The following MAGIX variants were observed in gnomAD, a reference collection of about 807,000 sequenced individuals.
MAGIX encodes the protein MAGI family member, X-linked, also known as PDZ domain-containing protein MAGIX.
In MAGIX, 13 loss-of-function variants were observed where a neutral mutation model predicts 10.0. That is an observed-to-expected ratio of 1.30 (90% CI 0.84 to 2.06). The LOEUF (loss-of-function observed/expected upper bound fraction) is 2.06. Ranked by LOEUF, MAGIX falls within the 30% of genes most tolerant of loss-of-function variation. The pLI is 0.00. For synonymous variants in MAGIX, 108 were observed against 106.8 expected, an observed-to-expected ratio of 1.01 and a Z score of -0.07; for missense variants, 235 against 245.2, an observed-to-expected ratio of 0.96 and a Z score of 0.28.
At position 49,166,282 on chromosome X, in the gene MAGIX, C is replaced by A. The variant is rs782473217; in HGVS notation, c.711C>A (p.Ile237=). ...GCGCTGAGGATCCCAACGACCAGAT[C>A]CCGGGTTCCCCGGGGCCCTGGCTAG... The change falls in exon 5 of 5, where the codon ATC becomes ATA. Residue 237 remains isoleucine (I), a synonymous_variant. Coordinates refer to ENST00000616266, the Ensembl canonical transcript of MAGIX. 6.8e-6 allele frequency: 8 copies of A among 1,184,808 alleles called. No homozygotes were observed. In the East Asian group the frequency reaches 2.5e-4, roughly 37 times the overall value.
At chrX:49,167,968 A>G (rs1279088172) in exon 5 of MAGIX, 11 of 111,829 alleles carry the variant, frequency 9.8e-5, no homozygotes, top group African/African-American at 2.9e-4. Context: ...AGGAGGGTCA[A>G]AGCACGATTT....
exon 5 of MAGIX, chrX:49,168,067 G>T (rs1205305355): frequency 8.9e-6 from 1 of 111,979 alleles, no homozygotes; most frequent in Admixed American, 9.5e-5. Flanking sequence ...GTTGCACTGT[G>T]CTAGGTACTG....
chrX:49,162,885 T>C, intron 1 of MAGIX: 1 of 903,236 alleles, frequency 1.1e-6, no homozygotes, highest in Non-Finnish European at 1.5e-6. Flanking sequence ...GGCGGACTAC[T>C]GGCCATGGAG....
At chrX:49,162,838 A>G (rs781934330) in intron 1 of MAGIX, 1 of 767,931 alleles carries the variant, frequency 1.3e-6, no homozygotes, top group Non-Finnish European at 1.8e-6. Context: ...CGCGCCCCAG[A>G]GCTCAAAATT....
chrX:49,163,613 G>C (rs2037356853), intron 1 of MAGIX, 170 bp from the exon 2 acceptor site: 1 of 397,614 alleles, frequency 2.5e-6, no homozygotes, highest in Non-Finnish European at 3.8e-6. Flanking sequence ...TACCCGCGAC[G>C]GTCGGGGATC....
chrX:49,165,567 G>A, intron 4 of MAGIX: 3 of 393,987 alleles, frequency 7.6e-6, no homozygotes, highest in Non-Finnish European at 4.3e-6. Flanking sequence ...AGGGGTGTCA[G>A]TCTCGAGGAT....
exon 5 of MAGIX, chrX:49,166,489 G>A: frequency 1.2e-6 from 1 of 803,412 alleles, no homozygotes. Context: ...CTCCCCAAGA[G>A]CTTCCACTTG....
intron 2 of MAGIX, 155 bp downstream of exon 2, chrX:49,164,084 G>A: frequency 9.2e-6 from 4 of 436,673 alleles, no homozygotes; most frequent in Non-Finnish European, 1.4e-5. Flanking sequence ...TCGAGTGGGA[G>A]GAGCCTTGGG....
chrX:49,164,034 G>C, intron 2 of MAGIX, 105 bp downstream of exon 2: 1 of 827,011 alleles, frequency 1.2e-6, no homozygotes, highest in African/African-American at 2.1e-5. Context: ...TCTTGGGTGG[G>C]GCCAAGGGGC....
exon 2 of MAGIX, chrX:49,163,899 G>A (rs2065347225): frequency 9.7e-7 from 1 of 1,026,165 alleles, no homozygotes; most frequent in South Asian, 3.1e-5. Flanking sequence ...ACGCAGGGCG[G>A]GCGCCACATT....
At chrX:49,163,747 G>T in intron 1 of MAGIX, 36 bp from the exon 2 acceptor site, 1 of 1,006,649 alleles carries the variant, frequency 9.9e-7, no homozygotes, top group East Asian at 4.3e-5. Flanking sequence ...GGCCGAGGCC[G>T]AGGGTCGGCG....
chrX:49,163,787 C>T, exon 2 of MAGIX: 1 of 1,046,550 alleles, frequency 9.6e-7, no homozygotes, highest in South Asian at 2.6e-5. Context: ...GCGCAGGCCG[C>T]GGCCCCTCCC....
exon 5 of MAGIX, chrX:49,168,481 A>C (rs1222564804): frequency 3.8e-5 from 4 of 104,470 alleles, no homozygotes; most frequent in Admixed American, 1.0e-4. Context: ...AAAAAAAAAA[A>C]AAAAAAAAAA....
chrX:49,163,726 G>A, intron 1 of MAGIX, 57 bp from the exon 2 acceptor site: 5 of 979,422 alleles, frequency 5.1e-6, no homozygotes, highest in African/African-American at 2.0e-5. Flanking sequence ...GCGTCCGGAA[G>A]CATAGGGGTT....
At chrX:49,166,682 T>C in exon 5 of MAGIX, 1 of 305,626 alleles carries the variant, frequency 3.3e-6, no homozygotes, top group Non-Finnish European at 5.8e-6. Flanking sequence ...CGGGCCACTC[T>C]GTAAAGGAGC....
chrX:49,163,926 G>A (rs2065347629), exon 2 of MAGIX: 1 of 1,015,770 alleles, frequency 9.8e-7, no homozygotes, highest in Middle Eastern at 3.2e-4. Context: ...GCGCCGGAAG[G>A]AGGGTGAGTG....
chrX:49,165,263 T>C, exon 4 of MAGIX: 1 of 1,181,899 alleles, frequency 8.5e-7, no homozygotes, highest in South Asian at 1.9e-5. Context: ...GTGGAGCGGA[T>C]CCGAGCTGGA....
rs1287999841 is a variant in MAGIX at position 49,166,492 on chromosome X, T to G, written c.*93T>G. On this transcript the variant is annotated 3_prime_UTR_variant, in exon 5 of 5. Coordinates refer to ENST00000616266, the Ensembl canonical transcript of MAGIX. ...GGCACTTGGCACCTCCCCAAGAGCT[T>G]CCACTTGGTTTGGTCCCCCCACCCG... The G allele has an allele frequency of 5.1e-6, 4 of 784,237 alleles. No individual in the cohort carries two copies. In the East Asian group the frequency reaches 1.4e-4, roughly 28 times the overall value. The allele number at this position is 784,237 out of a possible 1,213,427, so 64.6% of individuals were successfully genotyped here. A position where few individuals can be genotyped will look rare whatever the true frequency, so the allele number is the denominator to read the frequency against.
chrX:49,164,781 C>T (rs371576880), exon 3 of MAGIX: 22 of 1,210,135 alleles, frequency 1.8e-5, no homozygotes, highest in Non-Finnish European at 2.0e-5. Context: ...TGTGGATCAC[C>T]GGCCCCAGGT....
Sources: allele counts gnomAD v4.1 joint callset, GRCh38; gene constraint gnomAD v4.1.1; transcripts MANE v1.5; gene names NCBI Gene and HGNC (gene_info 2026-07-23, HGNC 2026-07-21).